The following MTARC2 variants were observed in gnomAD, a reference collection of about 807,000 sequenced individuals.
The protein encoded by MTARC2 is MOCO sulphurase C-terminal domain containing 2.
In MTARC2, 27 loss-of-function variants were observed where a neutral mutation model predicts 35.6. The observed-to-expected ratio is 0.76, with a 90% CI of 0.56 to 1.04. MTARC2 has a LOEUF of 1.04. MTARC2 is among the 50% of genes least tolerant of loss of function. The pLI, the probability that MTARC2 is intolerant of heterozygous loss-of-function variation, is 0.00. For missense variants in MTARC2, 412 were observed against 432.5 expected, an observed-to-expected ratio of 0.95 and a Z score of 0.42; for synonymous variants, 158 against 167.1, an observed-to-expected ratio of 0.95 and a Z score of 0.42.
intron 1 of MTARC2, among the ~76,000 whole-genome samples, chr1:220,754,742 A>G (rs1671229356): frequency 6.6e-6 from 1 of 152,194 alleles, no homozygotes; most frequent in Non-Finnish European, 1.5e-5. Context: ...CTCTCCCAGA[A>G]CTGTTTCCGC....
chr1:220,757,634 C>G (rs1321070414), intron 2 of MTARC2, among the ~76,000 whole-genome samples: 1 of 152,180 alleles, frequency 6.6e-6, no homozygotes, highest in Non-Finnish European at 1.5e-5. Context: ...TATGTCCTCA[C>G]ATGACCTTCC....
intron 4 of MTARC2, among the ~76,000 whole-genome samples, chr1:220,767,181 T>G (rs1325229093): frequency 1.3e-5 from 2 of 152,170 alleles, no homozygotes; most frequent in Non-Finnish European, 2.9e-5. Context: ...GACGCTAATG[T>G]TGCTGATTTA....
chr1:220,781,700 C>A, intron 6 of MTARC2, 78 bp from the exon 7 acceptor site: 1 of 1,497,832 alleles, frequency 6.7e-7, no homozygotes, highest in Non-Finnish European at 9.2e-7. Context: ...ACTTGGAAGG[C>A]AAACTTGAGT....
chr1:220,755,546 T>G (rs1671255204), intron 2 of MTARC2, among the ~76,000 whole-genome samples: 1 of 152,128 alleles, frequency 6.6e-6, no homozygotes, highest in Admixed American at 6.5e-5. Flanking sequence ...GGCGGCAGGC[T>G]TAGGGCTGGC....
chr1:220,753,900 A>T (rs1572292076), intron 1 of MTARC2, among the ~76,000 whole-genome samples: 1 of 152,232 alleles, frequency 6.6e-6, no homozygotes, highest in South Asian at 2.1e-4. Context: ...AAGTACAAAA[A>T]TTAGCTGGGC....
At chr1:220,768,102 G>A (rs11118598) in intron 4 of MTARC2, among the ~76,000 whole-genome samples, 26,544 of 152,082 alleles carry the variant, frequency 0.17, 3,853 homozygotes, top group East Asian at 0.43. Context: ...CACTTACTAC[G>A]TTACAGGCAC....
intron 7 of MTARC2, 146 bp downstream of exon 7, chr1:220,782,078 T>A: frequency 1.4e-6 from 1 of 699,146 alleles, no homozygotes; most frequent in Non-Finnish European, 2.2e-6. Flanking sequence ...AAAATGCCCT[T>A]AATTTCTGTT....
At chr1:220,774,594 T>C (rs570889114) in intron 4 of MTARC2, among the ~76,000 whole-genome samples, 3,610 of 152,224 alleles carry the variant, frequency 0.024, 109 homozygotes, top group African/African-American at 0.064. Context: ...ATGAAGGGGC[T>C]GGGATGGTGG....
chr1:220,754,040 C>T (rs2102543360), intron 1 of MTARC2, among the ~76,000 whole-genome samples: 1 of 152,326 alleles, frequency 6.6e-6, no homozygotes, highest in South Asian at 2.1e-4. Flanking sequence ...CAGAGTGAGA[C>T]TCTGTCTCAA....
At chr1:220,779,774 T>C (rs1672015180) in intron 4 of MTARC2, among the ~76,000 whole-genome samples, 1 of 152,222 alleles carries the variant, frequency 6.6e-6, no homozygotes, top group Admixed American at 6.5e-5. Context: ...CAAACTGCAC[T>C]CTATAGAAGA....
chr1:220,761,520 G>A (rs1170476588), intron 2 of MTARC2, 138 bp from the exon 3 acceptor site: 6 of 721,550 alleles, frequency 8.3e-6, no homozygotes, highest in Non-Finnish European at 1.3e-5. Context: ...TTGCACTTCT[G>A]CCCAGCTTTG....
chr1:220,754,926 C>T (rs1558063686), intron 1 of MTARC2, 21 bp from the exon 2 acceptor site: 2 of 1,557,412 alleles, frequency 1.3e-6, no homozygotes, highest in African/African-American at 2.7e-5. Context: ...TCTGAGTGTG[C>T]CCTGGTTTGT....
At chr1:220,756,798 A>G (rs1671292774) in intron 2 of MTARC2, among the ~76,000 whole-genome samples, 1 of 152,246 alleles carries the variant, frequency 6.6e-6, no homozygotes, top group Non-Finnish European at 1.5e-5. Flanking sequence ...ATAGGCAGAA[A>G]TCTAGGGGGA....
chr1:220,751,723 C>T (rs930746577), intron 1 of MTARC2, among the ~76,000 whole-genome samples: 2 of 152,100 alleles, frequency 1.3e-5, no homozygotes, highest in African/African-American at 2.4e-5. Flanking sequence ...TTTGGGGAAT[C>T]GGGGCTCCAG....
chr1:220,773,605 C>A (rs1215000325), intron 4 of MTARC2, among the ~76,000 whole-genome samples: 1 of 152,036 alleles, frequency 6.6e-6, no homozygotes, highest in Non-Finnish European at 1.5e-5. Flanking sequence ...TGAGCCCTTA[C>A]CTAAGGGATC....
intron 2 of MTARC2, among the ~76,000 whole-genome samples, chr1:220,755,418 C>T (rs180676179): frequency 2.1e-4 from 32 of 152,236 alleles, no homozygotes; most frequent in South Asian, 2.1e-4. Context: ...AGGCACGCTA[C>T]GCCACGCAAG....
At chr1:220,783,692 T>C (rs185132627) in intron 7 of MTARC2, among the ~76,000 whole-genome samples, 2 of 152,188 alleles carry the variant, frequency 1.3e-5, no homozygotes, top group Non-Finnish European at 2.9e-5. Context: ...GAGATAGATA[T>C]GATAACAGGC....
At chr1:220,758,462 C>T (rs1384826482) in intron 2 of MTARC2, among the ~76,000 whole-genome samples, 14 of 151,140 alleles carry the variant, frequency 9.3e-5, no homozygotes, top group East Asian at 3.9e-4. Flanking sequence ...TCTTGTTGCC[C>T]GGGCTAGAGT....
intron 4 of MTARC2, among the ~76,000 whole-genome samples, chr1:220,779,353 C>T (rs1672002047): frequency 6.6e-6 from 1 of 152,236 alleles, no homozygotes; most frequent in African/African-American, 2.4e-5. Context: ...AGCTGCTTTA[C>T]ATCCTCCAGT....
Sources: gnomAD v4.1 joint callset for allele counts (sites outside exome capture counted in the v4.1 genomes callset) on GRCh38, gnomAD v4.1.1 for gene constraint, MANE v1.5 for transcripts, NCBI Gene and HGNC (gene_info 2026-07-23, HGNC 2026-07-21) for gene names.